Variants in RSRC1 observed in about 807,000 individuals in gnomAD.
RSRC1 encodes serine/Arginine-related protein 53.
Under a neutral mutation model 49.1 loss-of-function variants are expected in RSRC1, and 39 were observed. The observed-to-expected ratio is 0.79, with a 90% CI of 0.61 to 1.04. RSRC1 has a LOEUF of 1.04. RSRC1 is among the 50% of genes least tolerant of loss of function. The probability of loss-of-function intolerance (pLI) is 0.00; values close to 1 mark genes in which losing one functional copy is unlikely to be tolerated. For synonymous variants in RSRC1, 143 were observed against 130.8 expected, an observed-to-expected ratio of 1.09 and a Z score of -0.63; for missense variants, 388 against 402.4, an observed-to-expected ratio of 0.96 and a Z score of 0.31.
chr3:158,418,930 C>A (rs992360335), intron 6 of RSRC1, among the ~76,000 whole-genome samples: 1 of 152,046 alleles, frequency 6.6e-6, no homozygotes, highest in Non-Finnish European at 1.5e-5. Flanking sequence ...ACTTTTCTGT[C>A]ATGAAAACTA....
chr3:158,288,871 G>T (rs1726748268), intron 4 of RSRC1, among the ~76,000 whole-genome samples: 1 of 120,476 alleles, frequency 8.3e-6, no homozygotes. Flanking sequence ...ATCTGTGGTT[G>T]GTTGACTTCA....
chr3:158,387,736 A>G (rs1156526427), intron 6 of RSRC1, among the ~76,000 whole-genome samples: 1 of 152,170 alleles, frequency 6.6e-6, no homozygotes, highest in Non-Finnish European at 1.5e-5. Context: ...CAAGGATAAG[A>G]TTTAGTTGGA....
At chr3:158,516,687 T>C (rs1401576816) in intron 7 of RSRC1, among the ~76,000 whole-genome samples, 2 of 152,286 alleles carry the variant, frequency 1.3e-5, no homozygotes, top group South Asian at 2.1e-4. Flanking sequence ...GGGCGCCCCT[T>C]CCCCAGCCTC....
chr3:158,441,433 T>C (rs1038276563), intron 6 of RSRC1, among the ~76,000 whole-genome samples: 1 of 151,654 alleles, frequency 6.6e-6, no homozygotes, highest in Admixed American at 6.6e-5. Flanking sequence ...ACCCAAGGTA[T>C]TGTGCTATCA....
chr3:158,351,912 ATAT>A (rs200736686), intron 5 of RSRC1, among the ~76,000 whole-genome samples: 1,587 of 147,004 alleles, frequency 0.011, 29 homozygotes, highest in African/African-American at 0.037. Flanking sequence ...AATTATATAA[ATAT>A]TATATATATA....
intron 3 of RSRC1, among the ~76,000 whole-genome samples, chr3:158,190,053 A>T (rs1459353503): frequency 6.6e-6 from 1 of 151,744 alleles, no homozygotes. Flanking sequence ...TGGCCAACAC[A>T]CTTTTTTCCC....
intron 6 of RSRC1, among the ~76,000 whole-genome samples, chr3:158,363,553 C>G (rs1253068652): frequency 2.0e-5 from 3 of 152,166 alleles, no homozygotes; most frequent in Non-Finnish European, 4.4e-5. Flanking sequence ...GCGTGAGCCA[C>G]CATGCCCAGC....
chr3:158,361,045 C>T (rs1731441829), intron 6 of RSRC1, among the ~76,000 whole-genome samples: 1 of 152,152 alleles, frequency 6.6e-6, no homozygotes, highest in South Asian at 2.1e-4. Context: ...CAGGGGTGGC[C>T]CGGAGCTCCT....
intron 4 of RSRC1, among the ~76,000 whole-genome samples, chr3:158,215,298 GTTTT>G (rs34551128): frequency 7.6e-6 from 1 of 131,212 alleles, no homozygotes; most frequent in Non-Finnish European, 1.6e-5. Context: ...CATATAGATA[GTTTT>G]TTTTTTTTTT....
At position 158,454,062 on chromosome 3, in the gene RSRC1, A is replaced by G. The variant is rs745783718; in HGVS notation, c.584-6873A>G. On this transcript the variant is annotated intron_variant, in intron 6 of 9. Transcript: ENST00000611884. ...TTCACAGTTTCACCACAATTTGCTT[A>G]TGTGTATCTACTTTGCATTTTCTCA... Among the ~76,000 whole-genome samples the G allele has an allele frequency of 3.1e-4, 47 of 152,078 alleles. 1 individual carries two copies. Among genetic ancestry groups the G allele is most frequent in the Non-Finnish European group, 5.4e-4 (37 of 67,990 alleles).
At chr3:158,229,544 T>G (rs80137526) in intron 4 of RSRC1, among the ~76,000 whole-genome samples, 3 of 130,864 alleles carry the variant, frequency 2.3e-5, no homozygotes, top group Admixed American at 7.2e-5. Flanking sequence ...GTGTTTTTTG[T>G]TTTTTTTTTT....
intron 4 of RSRC1, among the ~76,000 whole-genome samples, chr3:158,204,875 A>G (rs1721261523): frequency 6.6e-6 from 1 of 152,140 alleles, no homozygotes; most frequent in Non-Finnish European, 1.5e-5. Flanking sequence ...TATATAAAAC[A>G]TTATATGGGG....
chr3:158,207,787 A>G (rs1721433387), intron 4 of RSRC1, among the ~76,000 whole-genome samples: 1 of 152,052 alleles, frequency 6.6e-6, no homozygotes, highest in East Asian at 1.9e-4. Context: ...GAAAAACAAA[A>G]CAGGAAAGAA....
rs542388590 is a variant in RSRC1, at chr3:158,341,026, A to C, written c.532-13831A>C. Among the ~76,000 whole-genome samples the C allele has an allele frequency of 6.6e-5, 10 of 152,308 alleles. No individual in the cohort carries two copies. In the East Asian group the frequency reaches 1.7e-3, roughly 26 times the overall value. The stretch of plus-strand genomic sequence containing the variant: ...CACCCTAGAGATTTGTGGATGATTT[A>C]GGGTATCTGGTGGAAGAAATTTCTA... On this transcript the variant is annotated intron_variant, in intron 5 of 9. Coordinates refer to ENST00000611884, the MANE Select transcript of RSRC1 (RefSeq NM_001271838.2).
At chr3:158,505,519 T>C (rs941563767) in intron 7 of RSRC1, among the ~76,000 whole-genome samples, 1 of 152,108 alleles carries the variant, frequency 6.6e-6, no homozygotes, top group Non-Finnish European at 1.5e-5. Context: ...TGTAAAACTA[T>C]AATGTAAGGA....
At position 158,543,474 on chromosome 3, in the gene RSRC1, T is replaced by C. The variant is rs1220453973; in HGVS notation, c.899T>C (p.Leu300Pro). The change falls in exon 9 of 10, where the codon CTG (leucine) becomes CCG (proline). Residue 300 changes from leucine to proline, a missense_variant. By Grantham distance (98) the Leu-to-Pro change is moderately conservative. Transcript: ENST00000611884. ...ATCAAGTACCAAGATGACAATTCCC[T>C]GGCCCATCCAAATGTAATATCCTTA... ...TAIKYQDDNS[L>P]AHPNLFIEKA... 2.5e-6 allele frequency: 4 copies of C among 1,603,286 alleles called. No homozygotes were observed. The highest frequency in any genetic ancestry group is 2.6e-6 in the Non-Finnish European group (3 of 1,176,006).
rs970737154 is a variant in RSRC1, at chr3:158,486,956, A to G, written c.652+25953A>G. Reference sequence around the variant, plus strand: ...CTGGATCTGGATCTTCCACCGCAGCATGTAACTATACCAGTTACATGTTTC... The same window carrying G: ...CTGGATCTGGATCTTCCACCGCAGCGTGTAACTATACCAGTTACATGTTTC... On this transcript the variant is annotated intron_variant, in intron 7 of 9. Coordinates refer to ENST00000611884, the MANE Select transcript of RSRC1 (RefSeq NM_001271838.2). Among the ~76,000 whole-genome samples, 4 of 152,192 alleles carry G rather than the reference A, an allele frequency of 2.6e-5. No homozygotes were observed. In the East Asian group the frequency reaches 7.7e-4, roughly 29 times the overall value.
intron 4 of RSRC1, among the ~76,000 whole-genome samples, chr3:158,247,006 A>G (rs1723938150): frequency 6.6e-6 from 1 of 151,124 alleles, no homozygotes; most frequent in South Asian, 2.1e-4. Flanking sequence ...CCTCACTTTC[A>G]GGTACCCCAA....
chr3:158,236,943 A>G lies in RSRC1; in HGVS notation c.494+33698A>G, dbSNP rs528334592. Among the ~76,000 whole-genome samples the G allele has an allele frequency of 2.4e-4, 37 of 152,304 alleles. No individual in the cohort carries two copies. In the South Asian group the frequency reaches 7.3e-3, roughly 30 times the overall value. On this transcript the variant is annotated intron_variant, in intron 4 of 9. Transcript: ENST00000611884. ...GTGAATGATGGTAGTGGATAAAACT[A>G]GTCTTAGAATTGCAGCAGGTTTCAG...
Sources: allele counts gnomAD v4.1 joint callset (sites outside exome capture counted in the v4.1 genomes callset), GRCh38; gene constraint gnomAD v4.1.1; transcripts MANE v1.5; gene names NCBI Gene and HGNC (gene_info 2026-07-23, HGNC 2026-07-21).